Variants in DOCK1 observed in about 807,000 individuals in gnomAD.
DOCK1 encodes dedicator of cytokinesis protein 1.
In DOCK1, 138 loss-of-function variants were observed where a neutral mutation model predicts 262.7. That is an observed-to-expected ratio of 0.53 (90% confidence interval 0.46 to 0.61). The LOEUF is 0.61. DOCK1 is among the 20% of genes least tolerant of loss of function. The probability of loss-of-function intolerance (pLI) is 0.00; values close to 1 mark genes in which losing one functional copy is unlikely to be tolerated. For missense variants in DOCK1, 1,908 were observed against 2,370.7 expected (o/e 0.80, Z 4.05); for synonymous variants, 866 against 867.4 (o/e 1.00, Z 0.03).
rs1254370328 is a variant in DOCK1 at position 126,962,455 on chromosome 10, G to A, written c.47-8247G>A. Among the ~76,000 whole-genome samples the A allele has an allele frequency of 4.1e-5, 6 of 147,672 alleles. No homozygotes were observed. The East Asian group carries it at 5.9e-4, about 14-fold the overall frequency. On this transcript the variant is annotated intron_variant, in intron 1 of 51. Coordinates refer to ENST00000623213, the MANE Select transcript of DOCK1 (RefSeq NM_001290223.2). The stretch of plus-strand genomic sequence containing the variant: ...ATTACAGGTATGAACCACTGCACCC[G>A]GCCAGTTTTGGCATTTTTTTTAGTA...
intron 23 of DOCK1, among the ~76,000 whole-genome samples, chr10:127,094,212 A>G (rs1219750038): frequency 6.6e-6 from 1 of 152,132 alleles, no homozygotes; most frequent in African/African-American, 2.4e-5. Flanking sequence ...AAAAACAAAC[A>G]AAAAATCCCA....
chr10:127,093,942 G>T (rs1227084295), intron 23 of DOCK1, among the ~76,000 whole-genome samples: 2 of 152,144 alleles, frequency 1.3e-5, no homozygotes, highest in Non-Finnish European at 2.9e-5. Context: ...CATGGCAGAA[G>T]GTGAGAGTGT....
At chr10:127,438,258 A>G (rs967445991) in intron 48 of DOCK1, among the ~76,000 whole-genome samples, 8 of 152,238 alleles carry the variant, frequency 5.3e-5, no homozygotes, top group Non-Finnish European at 1.0e-4. Flanking sequence ...ATGTGTGGAT[A>G]TGCTTGCACA....
chr10:127,023,338 C>T lies in DOCK1; in HGVS notation c.1452+14C>T, dbSNP rs368295369. On this transcript the variant is annotated intron_variant, in intron 14 of 51. Transcript: ENST00000623213. ...AAACGATTAGAGGTATTTATTGTGGCGAGGGCTCATCTGTAGTGTTTCAGT... is the reference window on the plus strand; with the variant it reads ...AAACGATTAGAGGTATTTATTGTGGTGAGGGCTCATCTGTAGTGTTTCAGT... The T allele has an allele frequency of 2.5e-5, 41 of 1,613,190 alleles. No individual in the cohort carries two copies. The highest frequency in any genetic ancestry group is 3.3e-5 in the Non-Finnish European group (39 of 1,179,660).
intron 29 of DOCK1, among the ~76,000 whole-genome samples, chr10:127,314,480 A>C (rs1339589456): frequency 6.6e-6 from 1 of 152,242 alleles, no homozygotes; most frequent in African/African-American, 2.4e-5. Flanking sequence ...CTTCCAGTGT[A>C]AATGGGCTTC....
At chr10:127,356,570 C>T (rs1295659794) in intron 32 of DOCK1, among the ~76,000 whole-genome samples, 1 of 152,128 alleles carries the variant, frequency 6.6e-6, no homozygotes, top group Non-Finnish European at 1.5e-5. Flanking sequence ...GGCCAGACGG[C>T]AGGCCCCACA....
At chr10:126,958,896 G>GC (rs1451714374) in intron 1 of DOCK1, among the ~76,000 whole-genome samples, 1 of 152,212 alleles carries the variant, frequency 6.6e-6, no homozygotes, top group Non-Finnish European at 1.5e-5. Flanking sequence ...CCGTGACACA[G>GC]CCCTCAGGAG....
At chr10:127,360,544 T>C (rs148261911) in intron 32 of DOCK1, among the ~76,000 whole-genome samples, 114 of 152,336 alleles carry the variant, frequency 7.5e-4, no homozygotes, top group African/African-American at 2.4e-3. Context: ...ATTGAGTGCT[T>C]GTGAGAAGCC....
At chr10:126,905,890 C>T (rs1045418810) in intron 1 of DOCK1, among the ~76,000 whole-genome samples, 2 of 152,072 alleles carry the variant, frequency 1.3e-5, no homozygotes, top group African/African-American at 2.4e-5. Context: ...GGGCTACCCC[C>T]AACTCCCCGG....
At chr10:127,174,850 CTCT>C (rs1158980724) in intron 27 of DOCK1, among the ~76,000 whole-genome samples, 4 of 152,188 alleles carry the variant, frequency 2.6e-5, no homozygotes, top group African/African-American at 4.8e-5. Context: ...CTTCCTGATT[CTCT>C]TCTTATTTAG....
chr10:127,187,652 C>A (rs1024740355), intron 27 of DOCK1, among the ~76,000 whole-genome samples: 1 of 151,902 alleles, frequency 6.6e-6, no homozygotes, highest in Non-Finnish European at 1.5e-5. Flanking sequence ...GGGCTCTATT[C>A]CCTCAGCCTC....
At chr10:127,272,370 A>C (rs540195022) in intron 29 of DOCK1, among the ~76,000 whole-genome samples, 1 of 152,180 alleles carries the variant, frequency 6.6e-6, no homozygotes, top group Non-Finnish European at 1.5e-5. Context: ...GCTCTTCTTC[A>C]TGCTCAAACC....
chr10:127,158,612 T>A (rs556433719), intron 27 of DOCK1, among the ~76,000 whole-genome samples: 36 of 152,298 alleles, frequency 2.4e-4, no homozygotes, highest in African/African-American at 8.7e-4. Context: ...TTTTCATAAG[T>A]CCAGAATAAC....
chr10:127,384,556 T>G (rs2065998003), intron 37 of DOCK1, among the ~76,000 whole-genome samples: 1 of 152,222 alleles, frequency 6.6e-6, no homozygotes. Context: ...TTGCAGAACC[T>G]GCTGGGTTTT....
In DOCK1 at chr10:126,995,576, C is replaced by T. The variant is rs914517378; in HGVS notation, c.474-1172C>T. Among the ~76,000 whole-genome samples the T allele has an allele frequency of 1.3e-5, 2 of 152,140 alleles. No homozygotes were observed. Among genetic ancestry groups the T allele is most frequent in the African/African-American group, 2.4e-5 (1 of 41,438 alleles). ...AATCAGGCAGGGAGGCTGCAGTGAG[C>T]CGAGATGGCGGCAGTACAGTCCAGC... On this transcript the variant is annotated intron_variant, in intron 6 of 51. Coordinates refer to ENST00000623213, the MANE Select transcript of DOCK1 (RefSeq NM_001290223.2). The surrounding 1 kb of genome is among the most constrained non-coding windows in gnomAD (Gnocchi z 5.8).
At chr10:127,030,106 C>G (rs1358656266) in intron 16 of DOCK1, among the ~76,000 whole-genome samples, 1 of 152,106 alleles carries the variant, frequency 6.6e-6, no homozygotes, top group African/African-American at 2.4e-5. Context: ...AGGTGATAAG[C>G]CATGTTGTCT....
chr10:126,976,190 C>T (rs940753671), intron 2 of DOCK1, among the ~76,000 whole-genome samples: 2 of 152,066 alleles, frequency 1.3e-5, no homozygotes, highest in Admixed American at 1.3e-4. Flanking sequence ...CATAGATGGG[C>T]GCTGATACTG....
chr10:127,043,706 TGC>T (rs2044166137), intron 21 of DOCK1, among the ~76,000 whole-genome samples: 2 of 152,216 alleles, frequency 1.3e-5, no homozygotes, highest in Admixed American at 6.5e-5. Flanking sequence ...CCAGAGGCTA[TGC>T]ATGGTGCCTG....
At chr10:127,389,285 A>G (rs2134176016) in intron 38 of DOCK1, among the ~76,000 whole-genome samples, 1 of 152,308 alleles carries the variant, frequency 6.6e-6, no homozygotes, top group East Asian at 1.9e-4. Context: ...AGGCCTGAGT[A>G]TCCCCGGCTG....
Sources: gnomAD v4.1 joint callset for allele counts (sites outside exome capture counted in the v4.1 genomes callset) on GRCh38, gnomAD v4.1.1 for gene constraint, Gnocchi (gnomAD v3.1) non-coding constraint, MANE v1.5 for transcripts, NCBI Gene and HGNC (gene_info 2026-07-23, HGNC 2026-07-21) for gene names.